RPP30: variants seen among roughly 807,000 people sequenced by gnomAD.
The protein encoded by RPP30 is ribonuclease P protein subunit p30.
RPP30 carries 36 observed loss-of-function variants against 38.6 expected under a neutral mutation model. That is an observed-to-expected ratio of 0.93 (90% CI 0.71 to 1.23). The LOEUF is 1.23. Among genes scored for constraint, RPP30 ranks in the 50% most tolerant of loss-of-function variants. The probability of loss-of-function intolerance (pLI) is 0.00; values close to 1 mark genes in which losing one functional copy is unlikely to be tolerated. For missense variants in RPP30, 321 were observed against 321.7 expected, an observed-to-expected ratio of 1.00 and a Z score of 0.02; for synonymous variants, 126 against 112.7, an observed-to-expected ratio of 1.12 and a Z score of -0.75.
chr10:90,895,696 T>C (rs942020005), intron 8 of RPP30, 184 bp from the exon 9 acceptor site: 15 of 519,850 alleles, frequency 2.9e-5, no homozygotes, highest in East Asian at 2.0e-4. Flanking sequence ...TTTATACTGT[T>C]ACAAAATGCC....
intron 5 of RPP30, among the ~76,000 whole-genome samples, chr10:90,883,306 A>T (rs917340849): frequency 2.0e-5 from 3 of 150,760 alleles, no homozygotes; most frequent in African/African-American, 7.3e-5. Flanking sequence ...AAAAAAAAAA[A>T]TTGGTATGGA....
rs1847211507 is a variant in RPP30, at chr10:90,902,165, A to C, written c.*1486A>C. The C allele has an allele frequency of 1.1e-6, 1 of 944,722 alleles. No homozygotes were observed. The highest frequency in any genetic ancestry group is 6.1e-5 in the Admixed American group (1 of 16,476). 58.5% of individuals were successfully genotyped at this position (944,722 alleles called of 1,614,324 possible). ...CAATGAATACAAATGTTTAAATAAA[A>C]TATTGATTAAAAAAACATTAAAAGT... On this transcript the variant is annotated 3_prime_UTR_variant, in exon 11 of 11. Transcript: ENST00000371703.
At chr10:90,873,533 A>G (rs566992455) in intron 1 of RPP30, among the ~76,000 whole-genome samples, 23 of 152,250 alleles carry the variant, frequency 1.5e-4, no homozygotes, top group Admixed American at 2.0e-4. Context: ...TACTGTGTAA[A>G]TTAAAATACC....
chr10:90,875,939 C>A (rs972133485), intron 3 of RPP30, 85 bp from the exon 4 acceptor site: 2 of 798,218 alleles, frequency 2.5e-6, no homozygotes, highest in African/African-American at 1.7e-5. Context: ...TAGCCAGTAC[C>A]TTTTAATGAA....
chr10:90,903,428 AAGG>A (rs778932276), downstream of RPP30, among the ~76,000 whole-genome samples: 6 of 152,224 alleles, frequency 3.9e-5, no homozygotes, highest in Non-Finnish European at 7.3e-5. Context: ...ATGTTATAGA[AAGG>A]AGGTAAAATT....
At chr10:90,889,185 T>C (rs1378435613) in intron 6 of RPP30, among the ~76,000 whole-genome samples, 1 of 152,178 alleles carries the variant, frequency 6.6e-6, no homozygotes, top group Non-Finnish European at 1.5e-5. Flanking sequence ...TATGGAAATG[T>C]ATACATTGTG....
rs534035368 is a variant in RPP30 at position 90,883,624 on chromosome 10, C to G, written c.343-2188C>G. On this transcript the variant is annotated intron_variant, in intron 5 of 10. Coordinates refer to ENST00000371703, the MANE Select transcript of RPP30 (RefSeq NM_006413.5). ...ATTATAATGCATGTATTTGCACGTA[C>G]TTAAACCAACATAGAGCCATTGTTT... is the stretch of plus-strand genomic sequence containing the variant. Among the ~76,000 whole-genome samples, 3 of 152,220 alleles carry G rather than the reference C, an allele frequency of 2.0e-5. No homozygotes were observed. The East Asian group carries it at 5.8e-4, about 29-fold the overall frequency.
intron 10 of RPP30, among the ~76,000 whole-genome samples, chr10:90,898,597 A>G (rs1847169640): frequency 6.6e-6 from 1 of 152,156 alleles, no homozygotes; most frequent in African/African-American, 2.4e-5. Context: ...ACTATTGGAA[A>G]ATGTCTACTC....
At chr10:90,882,296 T>C (rs1371330075) in intron 5 of RPP30, among the ~76,000 whole-genome samples, 1 of 152,210 alleles carries the variant, frequency 6.6e-6, no homozygotes, top group East Asian at 1.9e-4. Context: ...TATATATGTT[T>C]CTTATAAATT....
chr10:90,891,761 G>T (rs1157416121), intron 6 of RPP30, among the ~76,000 whole-genome samples: 1 of 152,194 alleles, frequency 6.6e-6, no homozygotes, highest in Admixed American at 6.5e-5. Context: ...GCTTATAGTT[G>T]TATGAAGAAA....
intron 10 of RPP30, 119 bp downstream of exon 10, chr10:90,896,511 C>A (rs911943058): frequency 1.1e-5 from 8 of 738,444 alleles, no homozygotes; most frequent in Non-Finnish European, 1.9e-5. Flanking sequence ...CTTTTCTCAA[C>A]CTGTTCTAAA....
intron 8 of RPP30, 198 bp from the exon 9 acceptor site, chr10:90,895,682 T>G (rs1847131500): frequency 4.0e-6 from 2 of 495,690 alleles, no homozygotes; most frequent in South Asian, 1.2e-4. Flanking sequence ...TAATCAGTTT[T>G]TCTTTTATAC....
At chr10:90,872,894 T>C (rs1264246730) in intron 1 of RPP30, among the ~76,000 whole-genome samples, 1 of 152,216 alleles carries the variant, frequency 6.6e-6, no homozygotes, top group Non-Finnish European at 1.5e-5. Context: ...TGACTGTCCC[T>C]TTCCACTGCT....
chr10:90,890,465 A>G (rs1233629802), intron 6 of RPP30, among the ~76,000 whole-genome samples: 1 of 152,060 alleles, frequency 6.6e-6, no homozygotes, highest in Non-Finnish European at 1.5e-5. Context: ...TTTAACCCTA[A>G]TCCATTTCTG....
At chr10:90,897,247 G>A (rs1242865959) in intron 10 of RPP30, among the ~76,000 whole-genome samples, 1 of 152,182 alleles carries the variant, frequency 6.6e-6, no homozygotes, top group Admixed American at 6.5e-5. Context: ...TAGTTGTAGT[G>A]GTTAAGAAGC....
At chr10:90,885,718 G>GT (rs1235147222) in intron 5 of RPP30, 94 bp from the exon 6 acceptor site, 2 of 751,234 alleles carry the variant, frequency 2.7e-6, no homozygotes, top group Non-Finnish European at 4.6e-6. Flanking sequence ...CACCTATGGA[G>GT]TGAACCATAC....
intron 4 of RPP30, among the ~76,000 whole-genome samples, chr10:90,878,473 AT>A (rs1440962435): frequency 1.8e-4 from 28 of 151,816 alleles, no homozygotes; most frequent in Non-Finnish European, 8.8e-5. Context: ...TAGGTTTAAG[AT>A]GATATTTTCT....
At chr10:90,877,207 G>A (rs962815122) in intron 4 of RPP30, among the ~76,000 whole-genome samples, 2 of 152,042 alleles carry the variant, frequency 1.3e-5, no homozygotes, top group East Asian at 1.9e-4. Context: ...AGCTACTCAA[G>A]AGTCTGAGGC....
chr10:90,891,276 G>T (rs1021425186), intron 6 of RPP30, among the ~76,000 whole-genome samples: 8 of 152,122 alleles, frequency 5.3e-5, no homozygotes, highest in Non-Finnish European at 1.5e-5. Flanking sequence ...TGGGCTTGCA[G>T]CTACGTAACT....
Sources: gnomAD v4.1 joint callset for allele counts (sites outside exome capture counted in the v4.1 genomes callset) on GRCh38, gnomAD v4.1.1 for gene constraint, MANE v1.5 for transcripts, NCBI Gene and HGNC (gene_info 2026-07-23, HGNC 2026-07-21) for gene names.